NTM: variants seen among roughly 807,000 people sequenced by gnomAD.
NTM encodes neurotrimin, also known as IgLON family member 2.
Under a neutral mutation model 42.1 loss-of-function variants are expected in NTM, and 13 were observed. The observed-to-expected ratio is 0.31, with a 90% CI of 0.20 to 0.49. NTM has a LOEUF of 0.49. NTM is among the 20% of genes least tolerant of loss of function. The pLI, the probability that NTM is intolerant of heterozygous loss-of-function variation, is 0.99. For missense variants in NTM, 373 were observed against 452.8 expected (o/e 0.82, Z 1.60); for synonymous variants, 187 against 179.2 (o/e 1.04, Z -0.35).
chr11:131,957,963 A>C (rs2061732053), intron 2 of NTM, among the ~76,000 whole-genome samples: 1 of 152,124 alleles, frequency 6.6e-6, no homozygotes, highest in South Asian at 2.1e-4. Flanking sequence ...TTGCTGTAGG[A>C]ATGGAAGCAG....
At chr11:131,885,311 C>T (rs900822547) in intron 1 of NTM, among the ~76,000 whole-genome samples, 3 of 152,182 alleles carry the variant, frequency 2.0e-5, no homozygotes, top group Admixed American at 1.3e-4. Context: ...AAGAGAGATC[C>T]GGCATATCTG....
rs71475771 is a variant in NTM, at chr11:131,721,996, CAAAAAAAA to C, written c.83-189549_83-189542del. ...CCAGGACAAGAGTGAAACTCTGTCTCAAAAAAAAAAAAAAAAAAAAAAAAAAGAGAGAA... is the reference window on the plus strand; with the variant it reads ...CCAGGACAAGAGTGAAACTCTGTCTCAAAAAAAAAAAAAAAAAAGAGAGAA... On this transcript the variant is annotated intron_variant, in intron 1 of 8. Coordinates refer to ENST00000683400, the MANE Select transcript of NTM (RefSeq NM_001352005.2). Among the ~76,000 whole-genome samples the C allele has an allele frequency of 9.4e-3, 97 of 10,276 alleles. 1 individual carries two copies. The highest frequency in any genetic ancestry group is 0.027 in the African/African-American group (93 of 3,502). The allele number at this position is 10,276 out of a possible 152,430, so 6.7% of individuals were successfully genotyped here.
chr11:132,161,103 T>C (rs1480790172), intron 3 of NTM, among the ~76,000 whole-genome samples: 1 of 152,162 alleles, frequency 6.6e-6, no homozygotes, highest in Non-Finnish European at 1.5e-5. Context: ...CACAGCTTTG[T>C]GGGATCCCCC....
intron 1 of NTM, among the ~76,000 whole-genome samples, chr11:131,673,710 C>G (rs1185201000): frequency 1.3e-5 from 2 of 152,130 alleles, no homozygotes; most frequent in Non-Finnish European, 2.9e-5. Context: ...CTTGGGGGGC[C>G]CAGGTGACAC....
At chr11:132,321,749 A>G (rs557414220) in intron 7 of NTM, among the ~76,000 whole-genome samples, 2,285 of 150,586 alleles carry the variant, frequency 0.015, 53 homozygotes, top group African/African-American at 0.052. Context: ...AGTTGAAATG[A>G]AGGAAAAAAT....
At chr11:132,126,975 G>A (rs1366761521) in intron 2 of NTM, among the ~76,000 whole-genome samples, 1 of 152,130 alleles carries the variant, frequency 6.6e-6, no homozygotes, top group African/African-American at 2.4e-5. Context: ...GCTTCTTTCG[G>A]GCCTTATTGT....
At chr11:131,721,336 C>T (rs1379852367) in intron 1 of NTM, among the ~76,000 whole-genome samples, 1 of 152,112 alleles carries the variant, frequency 6.6e-6, no homozygotes, top group Non-Finnish European at 1.5e-5. Context: ...TTCCTGGTTC[C>T]TCTAGCTTCT....
At chr11:131,658,452 G>C (rs1019214548) in intron 1 of NTM, among the ~76,000 whole-genome samples, 1 of 152,188 alleles carries the variant, frequency 6.6e-6, no homozygotes, top group African/African-American at 2.4e-5. Flanking sequence ...ACGTGGTGCA[G>C]CTCTTACATT....
At chr11:132,333,057 C>T (rs896502278) in intron 8 of NTM, among the ~76,000 whole-genome samples, 11 of 152,258 alleles carry the variant, frequency 7.2e-5, no homozygotes, top group African/African-American at 2.2e-4. Context: ...GAGCAGTGTG[C>T]TGACAGCTGT....
At chr11:132,154,999 G>C (rs1338017315) in intron 3 of NTM, among the ~76,000 whole-genome samples, 4 of 152,150 alleles carry the variant, frequency 2.6e-5, no homozygotes, top group African/African-American at 9.7e-5. Flanking sequence ...ATATATTCAT[G>C]TCTTTGTGGT....
chr11:131,439,622 G>A (rs753704488), intron 1 of NTM, among the ~76,000 whole-genome samples: 13 of 152,222 alleles, frequency 8.5e-5, no homozygotes, highest in South Asian at 2.1e-4. Context: ...AGTCATGCAC[G>A]GGATATAATC....
intron 1 of NTM, among the ~76,000 whole-genome samples, chr11:131,852,756 C>A (rs927027539): frequency 2.0e-5 from 3 of 152,244 alleles, no homozygotes; most frequent in Admixed American, 1.3e-4. Context: ...TTCACTCATC[C>A]ATCCAACTAT....
At chr11:131,973,806 G>T (rs975888829) in intron 2 of NTM, among the ~76,000 whole-genome samples, 1 of 152,182 alleles carries the variant, frequency 6.6e-6, no homozygotes, top group African/African-American at 2.4e-5. Context: ...GACAGAGTGA[G>T]ACTCAGTCTG....
intron 1 of NTM, among the ~76,000 whole-genome samples, chr11:131,873,763 G>A (rs2048145636): frequency 7.0e-6 from 1 of 142,034 alleles, no homozygotes; most frequent in Non-Finnish European, 1.5e-5. Flanking sequence ...TATCAGAATG[G>A]CGATCATTAA....
At chr11:131,851,532 C>CGT (rs71067340) in intron 1 of NTM, among the ~76,000 whole-genome samples, 8,034 of 146,618 alleles carry the variant, frequency 0.055, 357 homozygotes, top group African/African-American at 0.12. Context: ...GTGAGAATGG[C>CGT]GTGTGTGTGT....
intron 1 of NTM, among the ~76,000 whole-genome samples, chr11:131,523,840 T>G (rs1038285030): frequency 7.0e-6 from 1 of 142,092 alleles, no homozygotes; most frequent in Non-Finnish European, 1.5e-5. Context: ...AGAAGAGACA[T>G]TAAGGTATAT....
chr11:131,789,145 G>T (rs1216786887), intron 1 of NTM, among the ~76,000 whole-genome samples: 1 of 151,868 alleles, frequency 6.6e-6, no homozygotes, highest in Non-Finnish European at 1.5e-5. Flanking sequence ...CTCAGTCATC[G>T]CTGGATGTTA....
At chr11:131,728,615 A>G (rs2079243936) in intron 1 of NTM, among the ~76,000 whole-genome samples, 1 of 152,216 alleles carries the variant, frequency 6.6e-6, no homozygotes, top group South Asian at 2.1e-4. Context: ...TGGAACACTA[A>G]GCATGTGGGG....
At chr11:132,034,498 G>C (rs1038711101) in intron 2 of NTM, among the ~76,000 whole-genome samples, 5 of 152,222 alleles carry the variant, frequency 3.3e-5, no homozygotes, top group African/African-American at 1.2e-4. Context: ...TCAGAAGCTA[G>C]CTCAAGTGGG....
Sources: allele counts gnomAD v4.1 joint callset (sites outside exome capture counted in the v4.1 genomes callset), GRCh38; gene constraint gnomAD v4.1.1; transcripts MANE v1.5; gene names NCBI Gene and HGNC (gene_info 2026-07-23, HGNC 2026-07-21).